Variants in CSMD1 observed in about 807,000 individuals in gnomAD.
CSMD1 encodes CUB and sushi domain-containing protein 1.
In CSMD1, 213 loss-of-function variants were observed where a neutral mutation model predicts 417.5. The observed-to-expected ratio is 0.51, with a 90% CI of 0.46 to 0.57. The LOEUF (loss-of-function observed/expected upper bound fraction) is 0.57, where lower values mean the gene tolerates loss of function less well. Among genes scored for constraint, CSMD1 ranks in the 20% least tolerant of loss-of-function variants. The pLI, the probability that CSMD1 is intolerant of heterozygous loss-of-function variation, is 0.00. For synonymous variants in CSMD1, 2,862 were observed against 1,736.8 expected, an observed-to-expected ratio of 1.65 and a Z score of -16.11; for missense variants, 6,923 against 4,529.7, an observed-to-expected ratio of 1.53 and a Z score of -15.17.
intron 2 of CSMD1, among the ~76,000 whole-genome samples, chr8:4,465,331 C>G (rs1164404065): frequency 1.3e-5 from 2 of 152,022 alleles, no homozygotes; most frequent in African/African-American, 4.8e-5. Flanking sequence ...GGTCCCTGTG[C>G]TTGCAAAAAG....
chr8:4,583,236 G>C (rs995645707), intron 2 of CSMD1, among the ~76,000 whole-genome samples: 1 of 152,222 alleles, frequency 6.6e-6, no homozygotes, highest in Non-Finnish European at 1.5e-5. Flanking sequence ...GGGACTGGCA[G>C]GCAGCTCCAC....
At chr8:3,224,925 A>G (rs1231292678) in intron 27 of CSMD1, among the ~76,000 whole-genome samples, 2 of 152,224 alleles carry the variant, frequency 1.3e-5, no homozygotes, top group Admixed American at 1.3e-4. Context: ...AGTTGTTTAT[A>G]TCAAATACTG....
chr8:3,756,078 C>T (rs181114137), intron 5 of CSMD1, among the ~76,000 whole-genome samples: 8 of 152,052 alleles, frequency 5.3e-5, no homozygotes, highest in Admixed American at 1.3e-4. Flanking sequence ...TCATTGTGGC[C>T]GGGCGCAGTG....
At chr8:4,170,610 A>G (rs917294401) in intron 3 of CSMD1, among the ~76,000 whole-genome samples, 1 of 151,920 alleles carries the variant, frequency 6.6e-6, no homozygotes, top group Non-Finnish European at 1.5e-5. Flanking sequence ...TTCTACAAAC[A>G]TGAATTCTGG....
chr8:3,869,580 T>C (rs1805338499), intron 5 of CSMD1, among the ~76,000 whole-genome samples: 1 of 152,276 alleles, frequency 6.6e-6, no homozygotes, highest in East Asian at 1.9e-4. Context: ...TATAAACCTA[T>C]CTATCAGATA....
intron 3 of CSMD1, among the ~76,000 whole-genome samples, chr8:4,297,905 A>T (rs914427379): frequency 2.0e-5 from 3 of 152,238 alleles, no homozygotes; most frequent in Non-Finnish European, 4.4e-5. Context: ...TTAAAAGTAT[A>T]TAATCAGAAA....
At chr8:3,912,767 C>G (rs1032518528) in intron 5 of CSMD1, among the ~76,000 whole-genome samples, 1 of 152,114 alleles carries the variant, frequency 6.6e-6, no homozygotes, top group African/African-American at 2.4e-5. Flanking sequence ...TCTTGTAGCT[C>G]AAGGTCACAC....
At chr8:3,508,536 T>A (rs1034032176) in intron 10 of CSMD1, among the ~76,000 whole-genome samples, 4 of 152,074 alleles carry the variant, frequency 2.6e-5, no homozygotes, top group Non-Finnish European at 4.4e-5. Context: ...GAATATTTTT[T>A]AAAGAAATAC....
chr8:3,479,753 G>C (rs1354637178), intron 11 of CSMD1, among the ~76,000 whole-genome samples: 2 of 152,064 alleles, frequency 1.3e-5, no homozygotes, highest in African/African-American at 2.4e-5. Context: ...CGGCTTGAAT[G>C]ATGAAAGACA....
intron 7 of CSMD1, among the ~76,000 whole-genome samples, chr8:3,699,956 C>T (rs1377746592): frequency 7.9e-6 from 1 of 125,882 alleles, no homozygotes; most frequent in African/African-American, 2.8e-5. Context: ...GGTTATATCC[C>T]ATAACTACAT....
chr8:4,757,500 C>T (rs766438715), intron 1 of CSMD1, among the ~76,000 whole-genome samples: 9 of 152,226 alleles, frequency 5.9e-5, no homozygotes, highest in Admixed American at 3.9e-4. Flanking sequence ...CAGCTAGGCA[C>T]ACTGCAAGAG....
intron 5 of CSMD1, among the ~76,000 whole-genome samples, chr8:3,875,488 C>T (rs1167282639): frequency 6.6e-6 from 1 of 151,936 alleles, no homozygotes; most frequent in African/African-American, 2.4e-5. Flanking sequence ...TTCCGAGGGT[C>T]ACTGGCATGG....
intron 7 of CSMD1, among the ~76,000 whole-genome samples, chr8:3,660,339 G>A (rs1031915419): frequency 6.6e-6 from 1 of 152,082 alleles, no homozygotes; most frequent in Non-Finnish European, 1.5e-5. Flanking sequence ...TTATTGACAG[G>A]ACTGAAAGTA....
intron 5 of CSMD1, among the ~76,000 whole-genome samples, chr8:3,781,743 A>G (rs991846053): frequency 6.6e-6 from 1 of 152,198 alleles, no homozygotes; most frequent in Non-Finnish European, 1.5e-5. Context: ...ATTGCCCCTG[A>G]CAATCTGATA....
chr8:3,504,284 C>A (rs73658135), intron 10 of CSMD1, among the ~76,000 whole-genome samples: 1 of 152,064 alleles, frequency 6.6e-6, no homozygotes, highest in Non-Finnish European at 1.5e-5. Context: ...CAAGTACAAT[C>A]ACACTGACAA....
At chr8:4,176,267 C>A (rs760892323) in intron 3 of CSMD1, among the ~76,000 whole-genome samples, 7 of 152,000 alleles carry the variant, frequency 4.6e-5, no homozygotes, top group Non-Finnish European at 7.4e-5. Context: ...GATTAGACTG[C>A]AAAAAATGAG....
intron 1 of CSMD1, among the ~76,000 whole-genome samples, chr8:4,919,221 T>C (rs1056254465): frequency 1.3e-5 from 2 of 152,194 alleles, no homozygotes; most frequent in Non-Finnish European, 2.9e-5. Flanking sequence ...CTTTGTAATT[T>C]AGTCATAGCT....
chr8:4,941,174 TA>T (rs1275990703), intron 1 of CSMD1, among the ~76,000 whole-genome samples: 1 of 152,152 alleles, frequency 6.6e-6, no homozygotes, highest in African/African-American at 2.4e-5. Context: ...AATATTAAAA[TA>T]AAAAACAAAA....
chr8:4,787,847 C>T (rs1797489259), intron 1 of CSMD1: 1 of 1,565,750 alleles, frequency 6.4e-7, no homozygotes, highest in Admixed American at 1.7e-5. Context: ...CTGGAGAAAT[C>T]CTGGTTGCCC....
Sources: gnomAD v4.1 joint callset for allele counts (sites outside exome capture counted in the v4.1 genomes callset) on GRCh38, gnomAD v4.1.1 for gene constraint, MANE v1.5 for transcripts, NCBI Gene and HGNC (gene_info 2026-07-23, HGNC 2026-07-21) for gene names.